The following TRPM3 variants were observed in gnomAD, a reference collection of about 807,000 sequenced individuals.
TRPM3 encodes long transient receptor potential channel 3.
TRPM3 carries 77 observed loss-of-function variants against 181.2 expected under a neutral mutation model. The observed-to-expected ratio is 0.42, with a 90% CI of 0.35 to 0.51. The LOEUF (loss-of-function observed/expected upper bound fraction) is 0.51, where lower values mean the gene tolerates loss of function less well. TRPM3 is among the 20% of genes least tolerant of loss of function. The pLI, the probability that TRPM3 is intolerant of heterozygous loss-of-function variation, is 0.01. For synonymous variants in TRPM3, 745 were observed against 796.4 expected (o/e 0.94, Z 1.09); for missense variants, 1,759 against 2,196.7 (o/e 0.80, Z 3.98).
chr9:70,797,963 A>G (rs1421005163), intron 6 of TRPM3, among the ~76,000 whole-genome samples: 1 of 152,260 alleles, frequency 6.6e-6, no homozygotes, highest in Admixed American at 6.5e-5. Flanking sequence ...GTCCACTATA[A>G]GTAATTTTCA....
At chr9:71,355,261 A>G (rs558128010) in intron 1 of TRPM3, among the ~76,000 whole-genome samples, 37 of 152,326 alleles carry the variant, frequency 2.4e-4, no homozygotes, top group African/African-American at 7.7e-4. Context: ...TTTTACAGAT[A>G]TGATCAAGTT....
At chr9:70,892,348 T>TA (rs1486210339) in intron 1 of TRPM3, among the ~76,000 whole-genome samples, 1 of 152,078 alleles carries the variant, frequency 6.6e-6, no homozygotes, top group Non-Finnish European at 1.5e-5. Context: ...TTCGTAGAAA[T>TA]ACCTAGAAAT....
intron 1 of TRPM3, among the ~76,000 whole-genome samples, chr9:71,275,517 C>A (rs866388713): frequency 6.6e-6 from 1 of 151,534 alleles, no homozygotes; most frequent in Non-Finnish European, 1.5e-5. Flanking sequence ...TGTATGTGTG[C>A]GTGTGTGTGT....
chr9:70,755,099 G>A (rs748145507), intron 8 of TRPM3, among the ~76,000 whole-genome samples: 102 of 152,100 alleles, frequency 6.7e-4, no homozygotes, highest in Non-Finnish European at 4.3e-4. Context: ...ATTTTTGCCC[G>A]GATGTGGAGA....
chr9:71,420,797 A>G (rs192920133), intron 1 of TRPM3, among the ~76,000 whole-genome samples: 170 of 7,004 alleles, frequency 0.024, 1 homozygote, highest in East Asian at 0.055. Flanking sequence ...AAGAGAGAGA[A>G]AGAAAGAGAG....
At chr9:70,750,905 G>A (rs2076024086) in intron 8 of TRPM3, among the ~76,000 whole-genome samples, 1 of 151,938 alleles carries the variant, frequency 6.6e-6, no homozygotes, top group Non-Finnish European at 1.5e-5. Flanking sequence ...GCAAGGTTAA[G>A]GCCAGAAATA....
At chr9:70,677,921 ATTTT>A (rs35877978) in intron 9 of TRPM3, among the ~76,000 whole-genome samples, 15 of 144,514 alleles carry the variant, frequency 1.0e-4, no homozygotes, top group African/African-American at 2.5e-4. Flanking sequence ...ATAATAAACA[ATTTT>A]TTTTTTTTTT....
intron 1 of TRPM3, among the ~76,000 whole-genome samples, chr9:71,160,854 A>T (rs1587711948): frequency 6.6e-6 from 1 of 152,280 alleles, no homozygotes. Context: ...TATATTTATG[A>T]GACTGGACTG....
At chr9:70,681,622 C>G (rs749295209) in intron 8 of TRPM3, 44 bp from the exon 9 acceptor site, 1 of 1,553,794 alleles carries the variant, frequency 6.4e-7, no homozygotes, top group Non-Finnish European at 8.9e-7. Context: ...CATTTTTCCC[C>G]CAAGAGAAAT....
intron 6 of TRPM3, among the ~76,000 whole-genome samples, chr9:70,802,510 T>C (rs987980822): frequency 6.6e-6 from 1 of 152,208 alleles, no homozygotes; most frequent in African/African-American, 2.4e-5. Flanking sequence ...CTGGGTTTAA[T>C]GTGATAAATT....
chr9:71,264,912 C>A (rs748892983), intron 1 of TRPM3, among the ~76,000 whole-genome samples: 7 of 152,082 alleles, frequency 4.6e-5, no homozygotes, highest in African/African-American at 7.2e-5. Context: ...CTACTTCATG[C>A]CAAATTGAAA....
intron 1 of TRPM3, among the ~76,000 whole-genome samples, chr9:70,969,712 A>G (rs887597820): frequency 6.8e-6 from 1 of 147,708 alleles, no homozygotes; most frequent in Non-Finnish European, 1.5e-5. Flanking sequence ...AAATAGCATA[A>G]TAATCCTACA....
chr9:70,570,331 C>T lies in TRPM3; in HGVS notation c.3224-17021G>A, dbSNP rs569852312. On this transcript the variant is annotated intron_variant, in intron 22 of 25. Coordinates refer to ENST00000677713, the MANE Select transcript of TRPM3 (RefSeq NM_001366145.2). ...TTTTTTTTTTTTTTTTTTTTTGAGACGGATTCTCGCTTTGTCTCCCAGTCT... is the reference window on the plus strand; with the variant it reads ...TTTTTTTTTTTTTTTTTTTTTGAGATGGATTCTCGCTTTGTCTCCCAGTCT... 1.3e-3 allele frequency among the ~76,000 whole-genome samples: 118 copies of T among 88,922 alleles called. 1 individual carries two copies. Among genetic ancestry groups the T allele is most frequent in the Non-Finnish European group, 1.9e-3 (95 of 49,382 alleles). The allele number at this position is 88,922 out of a possible 152,430, so 58.3% of individuals were successfully genotyped here. A position where few individuals can be genotyped will look rare whatever the true frequency, so the allele number is the denominator to read the frequency against.
chr9:71,104,757 C>T (rs1397221893), intron 1 of TRPM3, among the ~76,000 whole-genome samples: 1 of 152,042 alleles, frequency 6.6e-6, no homozygotes, highest in East Asian at 1.9e-4. Flanking sequence ...TCACATTACT[C>T]ATTAGGGAAA....
intron 1 of TRPM3, among the ~76,000 whole-genome samples, chr9:71,182,019 A>G (rs2077433534): frequency 6.6e-6 from 1 of 152,124 alleles, no homozygotes; most frequent in Admixed American, 6.6e-5. Flanking sequence ...TAAATAATGG[A>G]AACCCCGGCC....
At chr9:71,332,903 A>C (rs2090309846) in intron 1 of TRPM3, among the ~76,000 whole-genome samples, 1 of 151,124 alleles carries the variant, frequency 6.6e-6, no homozygotes, top group Non-Finnish European at 1.5e-5. Flanking sequence ...AAACAGTTTT[A>C]AATCATTGAA....
chr9:70,914,272 G>C (rs3010449), intron 1 of TRPM3, among the ~76,000 whole-genome samples: 1 of 152,130 alleles, frequency 6.6e-6, no homozygotes, highest in Non-Finnish European at 1.5e-5. Context: ...CAGGAACATC[G>C]TGCTATTTTG....
At chr9:71,244,860 T>C (rs2081944811) in intron 1 of TRPM3, among the ~76,000 whole-genome samples, 1 of 152,076 alleles carries the variant, frequency 6.6e-6, no homozygotes, top group African/African-American at 2.4e-5. Flanking sequence ...TATACGGAAT[T>C]TAGTTTAGTA....
At chr9:70,593,313 A>G (rs1046062965) in intron 21 of TRPM3, among the ~76,000 whole-genome samples, 2 of 152,252 alleles carry the variant, frequency 1.3e-5, no homozygotes, top group African/African-American at 4.8e-5. Flanking sequence ...AAAGTTTTAT[A>G]GAAAACATGG....
Sources: allele counts gnomAD v4.1 joint callset (sites outside exome capture counted in the v4.1 genomes callset), GRCh38; gene constraint gnomAD v4.1.1; transcripts MANE v1.5; gene names NCBI Gene and HGNC (gene_info 2026-07-23, HGNC 2026-07-21).